Variants in EGF observed in about 807,000 individuals in gnomAD.
The protein encoded by EGF is pro-epidermal growth factor.
Under a neutral mutation model 143.8 loss-of-function variants are expected in EGF, and 95 were observed. That is an observed-to-expected ratio of 0.66 (90% CI 0.56 to 0.78). The LOEUF is 0.78. Among genes scored for constraint, EGF ranks in the 30% least tolerant of loss-of-function variants. The pLI, the probability that EGF is intolerant of heterozygous loss-of-function variation, is 0.00. For missense variants in EGF, 1,320 were observed against 1,470.9 expected, an observed-to-expected ratio of 0.90 and a Z score of 1.68; for synonymous variants, 510 against 510.5, an observed-to-expected ratio of 1.00 and a Z score of 0.01.
chr4:109,989,302 G>T lies in EGF; in HGVS notation c.2734+593G>T, dbSNP rs569438593. Among the ~76,000 whole-genome samples the T allele has an allele frequency of 4.6e-5, 7 of 152,294 alleles. No individual in the cohort carries two copies. In the East Asian group the frequency reaches 7.7e-4, roughly 17 times the overall value. On this transcript the variant is annotated intron_variant, in intron 18 of 23. Transcript: ENST00000265171. ...GTGGCACGTTGGATTGGGAGTTCGC[G>T]TCGTGGATGTCTCATACGTTTCCAG...
chr4:109,945,862 G>T (rs1007972273), intron 5 of EGF, among the ~76,000 whole-genome samples: 2 of 152,182 alleles, frequency 1.3e-5, no homozygotes, highest in Non-Finnish European at 2.9e-5. Flanking sequence ...GCCATTGCCA[G>T]GCCGTAAGGA....
intron 20 of EGF, among the ~76,000 whole-genome samples, chr4:109,996,045 A>AATCT (rs1751753256): frequency 6.6e-6 from 1 of 152,200 alleles, no homozygotes; most frequent in Non-Finnish European, 1.5e-5. Flanking sequence ...TAATGTTAAG[A>AATCT]ATCTAATTGG....
At chr4:109,939,177 C>T (rs1179616254) in intron 1 of EGF, among the ~76,000 whole-genome samples, 2 of 152,202 alleles carry the variant, frequency 1.3e-5, no homozygotes, top group Admixed American at 6.5e-5. Context: ...TGGGCTCTGC[C>T]CAGTTCGAGC....
chr4:109,926,991 A>G (rs575552712), intron 1 of EGF, among the ~76,000 whole-genome samples: 38 of 152,356 alleles, frequency 2.5e-4, no homozygotes, highest in Admixed American at 2.2e-3. Flanking sequence ...CAGCTTTCTA[A>G]GCTATTTTAA....
chr4:109,997,897 T>C (rs1752042504), intron 20 of EGF, among the ~76,000 whole-genome samples: 1 of 152,282 alleles, frequency 6.6e-6, no homozygotes, highest in East Asian at 1.9e-4. Flanking sequence ...AAGCCTTGTT[T>C]ATCTGTATTG....
At position 109,976,211 on chromosome 4, in the gene EGF, C is replaced by T. The variant is rs527813535; in HGVS notation, c.2029C>T (p.Arg677Ter). 27 of 1,613,910 alleles carry T rather than the reference C, an allele frequency of 1.7e-5. No individual in the cohort carries two copies. Among genetic ancestry groups the T allele is most frequent in the East Asian group, 1.1e-4 (5 of 44,878 alleles). Reference protein sequence around the residue: ...EMANLDGSKRRRLTQNDVGHP... With the variant: ...EMANLDGSKR ...GGCCAATCTGGATGGTTCAAAACGCCGAAGACTTACCCAGAATGATGTAGG... is the reference window on the plus strand; with the variant it reads ...GGCCAATCTGGATGGTTCAAAACGCTGAAGACTTACCCAGAATGATGTAGG... Residue 677 changes from arginine to a stop codon, truncating the protein, a stop_gained, in exon 13 of 24, where the codon CGA (arginine) becomes TGA (stop). Coordinates refer to ENST00000265171, the MANE Select transcript of EGF (RefSeq NM_001963.6). LOFTEE classifies it high-confidence loss of function.
rs771794302 is a variant in EGF, at chr4:109,960,967, T to G, written c.1167T>G (p.Leu389=). ...CGTGCCCTGTAGGATTTGTTCTGCT[T>G]CCTGATGGGAAACGATGTCATCGTA... ...YCTCPVGFVL[L]PDGKRCHQLV... Residue 389 remains leucine (L), a synonymous_variant, in exon 7 of 24, where the codon CTT becomes CTG. Coordinates refer to ENST00000265171, the MANE Select transcript of EGF (RefSeq NM_001963.6). 1.4e-5 allele frequency: 23 copies of G among 1,613,814 alleles called. No homozygotes were observed. Among genetic ancestry groups the G allele is most frequent in the Non-Finnish European group, 1.8e-5 (21 of 1,179,898 alleles).
chr4:109,915,153 C>A (rs886823779), intron 1 of EGF, among the ~76,000 whole-genome samples: 2 of 152,122 alleles, frequency 1.3e-5, no homozygotes, highest in African/African-American at 4.8e-5. Context: ...ACATGAAACC[C>A]AGGATAGAAA....
intron 5 of EGF, among the ~76,000 whole-genome samples, chr4:109,946,150 T>C (rs1392437793): frequency 6.6e-6 from 1 of 152,218 alleles, no homozygotes; most frequent in Non-Finnish European, 1.5e-5. Flanking sequence ...AAATGTCCAC[T>C]TCTCTTCTCT....
intron 1 of EGF, among the ~76,000 whole-genome samples, chr4:109,939,113 G>A (rs1224143069): frequency 3.3e-5 from 5 of 152,216 alleles, no homozygotes; most frequent in Admixed American, 6.5e-5. Context: ...GTTCAGATAT[G>A]CCCTGCCTCC....
intron 5 of EGF, among the ~76,000 whole-genome samples, chr4:109,952,388 A>C (rs546637431): frequency 3.1e-4 from 47 of 152,352 alleles, no homozygotes; most frequent in African/African-American, 1.1e-3. Context: ...CATGCACAAA[A>C]AGATGGCTGA....
chr4:109,973,299 C>T (rs1052325658), intron 11 of EGF, among the ~76,000 whole-genome samples: 1 of 152,184 alleles, frequency 6.6e-6, no homozygotes, highest in Non-Finnish European at 1.5e-5. Flanking sequence ...CCACAGCAAA[C>T]TTTCTAAAGT....
intron 5 of EGF, among the ~76,000 whole-genome samples, chr4:109,948,776 G>A (rs572451621): frequency 5.9e-5 from 9 of 152,148 alleles, no homozygotes; most frequent in African/African-American, 1.4e-4. Flanking sequence ...ATGAGCCACT[G>A]TGCCCAGCCC....
At chr4:109,991,895 G>T (rs898570427) in intron 18 of EGF, among the ~76,000 whole-genome samples, 1 of 152,058 alleles carries the variant, frequency 6.6e-6, no homozygotes, top group Non-Finnish European at 1.5e-5. Flanking sequence ...GCTCATGCCT[G>T]TAATCCCAAC....
At position 110,008,232 on chromosome 4, in the gene EGF, T is replaced by TAG; in HGVS notation, c.3370+2_3370+3insAG. 2.5e-6 allele frequency: 4 copies of TAG among 1,613,936 alleles called. No individual in the cohort carries two copies. Among genetic ancestry groups the TAG allele is most frequent in the Non-Finnish European group, 3.4e-6 (4 of 1,179,940 alleles). On this transcript the variant is annotated splice_region_variant and intron_variant, in intron 23 of 23. Transcript: ENST00000265171. ...GTGAGGATGGCCAGGCAGCAGATGG[T>TAG]CAGTTTTTATCCCTGGCTCCTGGTG...
chr4:109,930,442 C>A (rs1191439865), intron 1 of EGF, among the ~76,000 whole-genome samples: 1 of 152,138 alleles, frequency 6.6e-6, no homozygotes, highest in Non-Finnish European at 1.5e-5. Context: ...GAGCCACATT[C>A]TTTTCTCATG....
At position 109,943,913 on chromosome 4, in the gene EGF, C is replaced by T. The variant is rs1380867282; in HGVS notation, c.581C>T (p.Ala194Val). ...RADLDGVGVK[A>V]LLETSEKITA... ...GATCTCGATGGTGTGGGAGTGAAGG[C>T]TCTGTTGGAGACATCAGAGAAAATA... Residue 194 changes from alanine (A) to valine (V), a missense_variant, in exon 4 of 24, where the codon GCT becomes GTT. Coordinates refer to ENST00000265171, the MANE Select transcript of EGF (RefSeq NM_001963.6). The T allele has an allele frequency of 3.1e-6, 5 of 1,613,912 alleles. No homozygotes were observed. The highest frequency in any genetic ancestry group is 3.3e-5 in the Admixed American group (2 of 60,008).
chr4:109,934,785 G>A (rs566565977), intron 1 of EGF, among the ~76,000 whole-genome samples: 1 of 152,154 alleles, frequency 6.6e-6, no homozygotes, highest in Admixed American at 6.5e-5. Flanking sequence ...CATATGTCTA[G>A]CCAGTTTTCC....
In EGF at chr4:109,970,305, T is replaced by C. The variant is rs75172950; in HGVS notation, c.1724+1186T>C. Among the ~76,000 whole-genome samples the C allele has an allele frequency of 6.0e-3, 914 of 152,158 alleles. 11 individuals are homozygous for C. Among genetic ancestry groups the C allele is most frequent in the African/African-American group, 0.021 (864 of 41,488 alleles). ...ACCCCTCACAAAATAATACTAGAGA[T>C]GCAATGTGCTCTGAGATATATTCTC... On this transcript the variant is annotated intron_variant, in intron 11 of 23. Transcript: ENST00000265171.
Sources: gnomAD v4.1 joint callset for allele counts (sites outside exome capture counted in the v4.1 genomes callset) on GRCh38, gnomAD v4.1.1 for gene constraint, MANE v1.5 for transcripts, NCBI Gene and HGNC (gene_info 2026-07-23, HGNC 2026-07-21) for gene names.